Variants in DLGAP1 observed in about 807,000 individuals in gnomAD.
DLGAP1 encodes disks large-associated protein 1.
DLGAP1 carries 11 observed loss-of-function variants against 90.8 expected under a neutral mutation model. The observed-to-expected ratio is 0.12, with a 90% CI of 0.08 to 0.20. The LOEUF (loss-of-function observed/expected upper bound fraction) is 0.20. DLGAP1 is among the 10% of genes least tolerant of loss of function. The pLI is 1.00. For missense variants in DLGAP1, 1,050 were observed against 1,333.8 expected (o/e 0.79, Z 3.31); for synonymous variants, 558 against 540.7 (o/e 1.03, Z -0.44).
chr18:4,434,268 G>T (rs1302097019), intron 1 of DLGAP1, among the ~76,000 whole-genome samples: 3 of 151,868 alleles, frequency 2.0e-5, no homozygotes, highest in African/African-American at 4.8e-5. Flanking sequence ...CTTGACCATA[G>T]CATCTTTGAG....
chr18:3,670,133 TTGC>T (rs2060036815), intron 7 of DLGAP1, among the ~76,000 whole-genome samples: 1 of 152,208 alleles, frequency 6.6e-6, no homozygotes, highest in Non-Finnish European at 1.5e-5. Context: ...AAAAATTGTA[TTGC>T]TGGAGTAAGA....
At chr18:3,909,061 A>G (rs960582649) in intron 3 of DLGAP1, among the ~76,000 whole-genome samples, 1 of 152,234 alleles carries the variant, frequency 6.6e-6, no homozygotes, top group Non-Finnish European at 1.5e-5. Flanking sequence ...CACAAGTTAG[A>G]AATGAACTTT....
intron 1 of DLGAP1, among the ~76,000 whole-genome samples, chr18:4,222,881 A>T (rs1489311215): frequency 6.6e-6 from 1 of 152,178 alleles, no homozygotes; most frequent in African/African-American, 2.4e-5. Flanking sequence ...GTTAAAATGT[A>T]GAAAGAAAAT....
intron 7 of DLGAP1, among the ~76,000 whole-genome samples, chr18:3,692,102 G>A (rs2060917559): frequency 1.3e-5 from 2 of 152,084 alleles, no homozygotes; most frequent in African/African-American, 2.4e-5. Flanking sequence ...TCCTTAGGAG[G>A]ACTTTGAAAA....
intron 1 of DLGAP1, among the ~76,000 whole-genome samples, chr18:4,234,756 C>T (rs2078371422): frequency 6.6e-6 from 1 of 152,152 alleles, no homozygotes; most frequent in Admixed American, 6.6e-5. Flanking sequence ...CTCTACAAGT[C>T]TCAGCATCAA....
intron 1 of DLGAP1, among the ~76,000 whole-genome samples, chr18:4,238,964 C>T (rs1284159159): frequency 1.3e-5 from 2 of 152,172 alleles, no homozygotes; most frequent in African/African-American, 2.4e-5. Context: ...ACATAATTTG[C>T]ATGAACATCA....
intron 3 of DLGAP1, among the ~76,000 whole-genome samples, chr18:3,925,784 A>C (rs2072369325): frequency 6.6e-6 from 1 of 152,190 alleles, no homozygotes; most frequent in Non-Finnish European, 1.5e-5. Flanking sequence ...CAACCCAAAT[A>C]ATTTAAGTAA....
At chr18:3,846,512 C>T (rs529245687) in intron 4 of DLGAP1, among the ~76,000 whole-genome samples, 23 of 152,228 alleles carry the variant, frequency 1.5e-4, no homozygotes, top group African/African-American at 5.1e-4. Flanking sequence ...TTCACAGCAC[C>T]ATTATTCACA....
chr18:4,369,813 A>C (rs1483668228), intron 1 of DLGAP1, among the ~76,000 whole-genome samples: 6 of 92,444 alleles, frequency 6.5e-5, no homozygotes, highest in Non-Finnish European at 1.1e-4. Flanking sequence ...AGAAAGTCTT[A>C]GTAAAAAAAA....
chr18:3,508,106 A>T (rs1263005400), intron 11 of DLGAP1, among the ~76,000 whole-genome samples: 1 of 152,232 alleles, frequency 6.6e-6, no homozygotes, highest in Admixed American at 6.5e-5. Flanking sequence ...TCAAATCTAC[A>T]CTTTGTGATG....
At chr18:3,677,651 CTTTTTCT>C (rs147143223) in intron 7 of DLGAP1, among the ~76,000 whole-genome samples, 143 of 152,216 alleles carry the variant, frequency 9.4e-4, no homozygotes, top group African/African-American at 3.3e-3. Context: ...TACTTGCTCT[CTTTTTCT>C]TTTTTCTTTT....
At chr18:3,875,715 A>G (rs1262275658) in intron 4 of DLGAP1, among the ~76,000 whole-genome samples, 2 of 152,228 alleles carry the variant, frequency 1.3e-5, no homozygotes, top group African/African-American at 4.8e-5. Flanking sequence ...CTCTGAAATG[A>G]GAGTCCTGGG....
chr18:4,295,788 A>T (rs929743357), intron 1 of DLGAP1, among the ~76,000 whole-genome samples: 1 of 152,226 alleles, frequency 6.6e-6, no homozygotes, highest in Non-Finnish European at 1.5e-5. Flanking sequence ...TGCTTAGCAG[A>T]GTGTGTAAAA....
intron 4 of DLGAP1, chr18:3,874,113 C>T (rs1170111644): frequency 5.8e-6 from 9 of 1,549,162 alleles, no homozygotes; most frequent in Middle Eastern, 1.7e-4. Flanking sequence ...CAACACCACA[C>T]TATTACCAAA....
chr18:3,509,607 C>G (rs1479105078), intron 10 of DLGAP1, among the ~76,000 whole-genome samples: 2 of 152,216 alleles, frequency 1.3e-5, no homozygotes, highest in Non-Finnish European at 2.9e-5. Context: ...GAACTTCTCA[C>G]AAGAGCACTT....
At chr18:3,666,649 A>C (rs994717205) in intron 7 of DLGAP1, among the ~76,000 whole-genome samples, 14 of 151,840 alleles carry the variant, frequency 9.2e-5, no homozygotes, top group African/African-American at 3.4e-4. Flanking sequence ...TGAAATTAAA[A>C]CTCCTTCCTT....
rs755044238 is a variant in DLGAP1, at chr18:3,879,359, A to G, written c.710T>C (p.Leu237Pro). 6 of 1,612,994 alleles carry G rather than the reference A, an allele frequency of 3.7e-6. No individual in the cohort carries two copies. The highest frequency in any genetic ancestry group is 5.1e-6 in the Non-Finnish European group (6 of 1,179,646). ...CPDRSASQYF[L>P]EAYNTISEQA... ...CTCGCTGATGGTGTTGTAGGCCTCC[A>G]GGAAGTACTGTGAGGCCGAGCGGTC... is the stretch of plus-strand genomic sequence containing the variant. The change falls in exon 4 of 13, where the codon CTG (leucine) becomes CCG (proline). Residue 237 changes from leucine (L) to proline (P), a missense_variant. By Grantham distance (98) the Leu-to-Pro change is moderately conservative. Around this residue, in one of 2 missense-constraint regions of DLGAP1, gnomAD observed 485 missense variants for 454.1 expected, o/e 1.07. Transcript: ENST00000315677. The surrounding 1 kb of genome is among the most constrained non-coding windows in gnomAD (Gnocchi z 6.6).
intron 3 of DLGAP1, among the ~76,000 whole-genome samples, chr18:3,989,197 T>G (rs2073910713): frequency 1.3e-5 from 2 of 152,222 alleles, no homozygotes; most frequent in South Asian, 4.1e-4. Flanking sequence ...CGGCACTGTC[T>G]TTTCTTAGTG....
At chr18:4,358,298 T>C (rs1395544392) in intron 1 of DLGAP1, among the ~76,000 whole-genome samples, 1 of 152,194 alleles carries the variant, frequency 6.6e-6, no homozygotes, top group Non-Finnish European at 1.5e-5. Flanking sequence ...TTCTTTGAAA[T>C]TGGGTGATCA....
Sources: allele counts gnomAD v4.1 joint callset (sites outside exome capture counted in the v4.1 genomes callset), GRCh38; gene constraint gnomAD v4.1.1; regional missense constraint gnomAD v4.1.1; non-coding constraint Gnocchi (gnomAD v3.1); transcripts MANE v1.5; gene names NCBI Gene and HGNC (gene_info 2026-07-23, HGNC 2026-07-21).